KDM6A: variants seen among roughly 807,000 people sequenced by gnomAD.
KDM6A encodes the protein lysine demethylase 6A.
KDM6A carries 11 observed loss-of-function variants against 117.6 expected under a neutral mutation model. The ratio of observed to expected loss-of-function variants is 0.09; its 90% CI spans 0.06 to 0.15. The LOEUF is 0.15. Ranked by LOEUF, KDM6A falls within the 10% of genes least tolerant of loss-of-function variation. The pLI, the probability that KDM6A is intolerant of heterozygous loss-of-function variation, is 1.00. For synonymous variants in KDM6A, 384 were observed against 396.1 expected (o/e 0.97, Z 0.36); for missense variants, 799 against 1,077.3 (o/e 0.74, Z 3.62).
intron 2 of KDM6A, among the ~76,000 whole-genome samples, chrX:44,950,161 G>A (rs1368363414): frequency 9.1e-6 from 1 of 110,204 alleles, no homozygotes; most frequent in Admixed American, 9.7e-5. Context: ...GACTACAGGC[G>A]CGTGCCACCA....
At chrX:45,080,694 A>C (rs1047648817) in intron 21 of KDM6A, among the ~76,000 whole-genome samples, 1 of 112,231 alleles carries the variant, frequency 8.9e-6, no homozygotes, top group Non-Finnish European at 1.9e-5. Context: ...AAATTCTTCT[A>C]ATAAAAACTA....
At chrX:44,997,730 A>G (rs939681714) in intron 4 of KDM6A, among the ~76,000 whole-genome samples, 1 of 111,678 alleles carries the variant, frequency 9.0e-6, no homozygotes, top group African/African-American at 3.3e-5. Flanking sequence ...TGTATTAGAA[A>G]CTATAACTCA....
chrX:44,921,257 G>A (rs912552901), intron 2 of KDM6A, among the ~76,000 whole-genome samples: 7 of 111,791 alleles, frequency 6.3e-5, no homozygotes, highest in Non-Finnish European at 1.1e-4. Flanking sequence ...GGACGGGGAG[G>A]TCTTGTGCAC....
At chrX:45,047,234 T>C (rs888335052) in intron 8 of KDM6A, among the ~76,000 whole-genome samples, 2 of 110,714 alleles carry the variant, frequency 1.8e-5, no homozygotes, top group Non-Finnish European at 3.8e-5. Flanking sequence ...TTTGATTTTT[T>C]TTTTATCAGT....
At chrX:44,937,371 A>C (rs752739603) in intron 2 of KDM6A, among the ~76,000 whole-genome samples, 13 of 111,761 alleles carry the variant, frequency 1.2e-4, no homozygotes, top group Non-Finnish European at 2.1e-4. Flanking sequence ...GGTTTGTGGC[A>C]GTCCTGTGTA....
At chrX:44,899,407 G>C (rs915108920) in intron 2 of KDM6A, among the ~76,000 whole-genome samples, 1 of 109,745 alleles carries the variant, frequency 9.1e-6, no homozygotes, top group Admixed American at 9.9e-5. Flanking sequence ...TGAAACTGGA[G>C]GAGGGTGTGT....
chrX:45,021,299 A>G (rs1417137863), intron 6 of KDM6A, among the ~76,000 whole-genome samples: 1 of 111,722 alleles, frequency 9.0e-6, no homozygotes, highest in East Asian at 2.8e-4. Context: ...CCAGTTTTTA[A>G]TTTTTCATTG....
intron 10 of KDM6A, among the ~76,000 whole-genome samples, chrX:45,054,999 ATAGCAAAGAAC>A (rs2044011395): frequency 9.0e-6 from 1 of 111,717 alleles, no homozygotes; most frequent in Non-Finnish European, 1.9e-5. Flanking sequence ...ACAGTCCTCT[ATAGCAAAGAAC>A]TGGCTGGCTC....
Position 45,096,623 on chromosome X carries a change from A to G in KDM6A, c.4034+5759A>G, listed in dbSNP as rs2046119755. 4.5e-5 allele frequency among the ~76,000 whole-genome samples: 5 copies of G among 111,780 alleles called. No homozygotes were observed. In the South Asian group the frequency reaches 1.9e-3, roughly 41 times the overall value. On this transcript the variant is annotated intron_variant, in intron 27 of 29. Transcript: ENST00000611820. ...ACCCTTTAGACTAAATGTGTTTTGGAGCTAAGAATTTTTAGATTTAGCAAA... is the reference window on the plus strand; with the variant it reads ...ACCCTTTAGACTAAATGTGTTTTGGGGCTAAGAATTTTTAGATTTAGCAAA...
At chrX:44,934,542 G>A (rs1483840596) in intron 2 of KDM6A, among the ~76,000 whole-genome samples, 1 of 111,415 alleles carries the variant, frequency 9.0e-6, no homozygotes, top group East Asian at 2.8e-4. Context: ...TCGTTCCTCC[G>A]GTCTGGGAAA....
At chrX:45,034,554 C>T (rs1263134947) in intron 6 of KDM6A, among the ~76,000 whole-genome samples, 1 of 111,456 alleles carries the variant, frequency 9.0e-6, no homozygotes, top group Non-Finnish European at 1.9e-5. Flanking sequence ...TCTGACAATA[C>T]CATTAGACTT....
intron 8 of KDM6A, among the ~76,000 whole-genome samples, chrX:45,051,367 T>G (rs961899319): frequency 8.9e-6 from 1 of 111,857 alleles, no homozygotes. Context: ...CAGACAGATA[T>G]GCACTTGGAG....
chrX:45,000,772 C>G (rs964447703), intron 4 of KDM6A, among the ~76,000 whole-genome samples: 1 of 112,461 alleles, frequency 8.9e-6, no homozygotes, highest in African/African-American at 3.2e-5. Context: ...CGCAGGGTGC[C>G]GGACTTCGGG....
intron 2 of KDM6A, among the ~76,000 whole-genome samples, chrX:44,876,081 A>G (rs562028181): frequency 3.6e-5 from 4 of 111,811 alleles, no homozygotes; most frequent in African/African-American, 1.3e-4. Context: ...ATATGGGGTA[A>G]TTTGATGAAC....
intron 27 of KDM6A, among the ~76,000 whole-genome samples, chrX:45,102,487 G>A (rs2046370283): frequency 9.0e-6 from 1 of 111,274 alleles, no homozygotes; most frequent in East Asian, 2.8e-4. Flanking sequence ...GATAAATATG[G>A]TGTTATACAA....
chrX:45,013,951 T>C (rs1569519647), intron 5 of KDM6A, among the ~76,000 whole-genome samples: 1 of 112,190 alleles, frequency 8.9e-6, no homozygotes, highest in East Asian at 2.8e-4. Context: ...TGCTGATTAC[T>C]GGGATCAGGA....
At chrX:44,883,374 CAGTT>C (rs1199842847) in intron 2 of KDM6A, among the ~76,000 whole-genome samples, 1 of 109,380 alleles carries the variant, frequency 9.1e-6, no homozygotes, top group African/African-American at 3.3e-5. Flanking sequence ...CTGGCTGGAG[CAGTT>C]AGTTTGTTTT....
intron 2 of KDM6A, among the ~76,000 whole-genome samples, chrX:44,916,151 C>T (rs1241109708): frequency 9.0e-6 from 1 of 111,165 alleles, no homozygotes; most frequent in Non-Finnish European, 1.9e-5. Context: ...TCTGTACTAT[C>T]TAAGGCTTTA....
chrX:44,918,143 C>A (rs1404751862), intron 2 of KDM6A, among the ~76,000 whole-genome samples: 4 of 110,865 alleles, frequency 3.6e-5, no homozygotes, highest in Non-Finnish European at 7.6e-5. Context: ...TGTATTTTTT[C>A]TACTACTAGA....
Sources: gnomAD v4.1 joint callset for allele counts (sites outside exome capture counted in the v4.1 genomes callset) on GRCh38, gnomAD v4.1.1 for gene constraint, MANE v1.5 for transcripts, NCBI Gene and HGNC (gene_info 2026-07-23, HGNC 2026-07-21) for gene names.